Variants in ZFP1 observed in about 807,000 individuals in gnomAD.
ZFP1 encodes zinc finger protein 1 homolog.
In ZFP1, 32 loss-of-function variants were observed where a neutral mutation model predicts 38.5. That is an observed-to-expected ratio of 0.83 (90% CI 0.63 to 1.12). The LOEUF (loss-of-function observed/expected upper bound fraction) is 1.12. ZFP1 is among the 50% of genes most tolerant of loss of function. The pLI is 0.00. For missense variants in ZFP1, 616 were observed against 480.8 expected (o/e 1.28, Z -2.63); for synonymous variants, 245 against 168.8 (o/e 1.45, Z -3.50).
chr16:75,126,820 C>T, the ZFP1 span, among the ~76,000 whole-genome samples: 57,468 of 152,116 alleles, frequency 0.38, 12,134 homozygotes, highest in Middle Eastern at 0.54. Flanking sequence ...TTTTTTCTGA[C>T]CTAACTAGTC....
At position 75,170,435 on chromosome 16, in the gene ZFP1, G is replaced by A. The variant is rs993273805; in HGVS notation, c.*101G>A. On this transcript the variant is annotated 3_prime_UTR_variant, in exon 4 of 4. Transcript: ENST00000570010. ...GAGGGAACATGGGAATTCATACTGA[G>A]ATGCAATCTCTCAACTCAAAAATGT... 1.4e-6 allele frequency: 2 copies of A among 1,411,590 alleles called. No homozygotes were observed. Among genetic ancestry groups the A allele is most frequent in the Middle Eastern group, 5.0e-4 (2 of 3,966 alleles). The allele number at this position is 1,411,590 out of a possible 1,614,324, so 87.4% of individuals were successfully genotyped here. A position where few individuals can be genotyped will look rare whatever the true frequency, so the allele number is the denominator to read the frequency against.
In ZFP1 at chr16:75,170,016, A is replaced by C. The variant is rs377630730; in HGVS notation, c.906A>C (p.Ala302=). 75 of 1,614,098 alleles carry C rather than the reference A, an allele frequency of 4.6e-5. No homozygotes were observed. Among genetic ancestry groups the C allele is most frequent in the Non-Finnish European group, 6.4e-5 (75 of 1,180,048 alleles). Residue 302 remains alanine (A), a synonymous_variant, in exon 4 of 4, where the codon GCA becomes GCC. Transcript: ENST00000570010. ...GACCCTATGAGTGTAACGAATGTGC[A>C]AAAACCTTCTTTAAGAAGTCAAACC... ...GERPYECNEC[A]KTFFKKSNLI... is the part of the protein sequence containing the mutation.
At chr16:75,162,591 G>C (rs7202429) in intron 2 of ZFP1, among the ~76,000 whole-genome samples, 143,697 of 152,296 alleles carry the variant, frequency 0.94, 67,910 homozygotes, top group African/African-American at 0.99. Flanking sequence ...TTTTATGATG[G>C]TGACGTTTGG....
chr16:75,120,871 C>T, the ZFP1 span, among the ~76,000 whole-genome samples: 48 of 152,070 alleles, frequency 3.2e-4, no homozygotes, highest in Middle Eastern at 3.4e-3. Flanking sequence ...ATGATCCGCC[C>T]GCCTCAGCCT....
chr16:75,127,650 A>G, the ZFP1 span, among the ~76,000 whole-genome samples: 26 of 152,196 alleles, frequency 1.7e-4, no homozygotes, highest in South Asian at 5.0e-3. Flanking sequence ...CAGGTTTCTG[A>G]TAACTTTGGA....
intron 3 of ZFP1, among the ~76,000 whole-genome samples, chr16:75,168,150 C>T (rs576820207): frequency 1.3e-5 from 2 of 152,276 alleles, no homozygotes; most frequent in East Asian, 1.9e-4. Context: ...AGCCAGTGTG[C>T]CTGGCCAGAT....
chr16:75,160,185 A>G (rs552641397), intron 2 of ZFP1, among the ~76,000 whole-genome samples: 3 of 152,162 alleles, frequency 2.0e-5, no homozygotes, highest in African/African-American at 7.2e-5. Context: ...GTCTTACTCC[A>G]TTTTGTGCTG....
upstream of ZFP1, among the ~76,000 whole-genome samples, chr16:75,147,765 G>C (rs969941928): frequency 6.6e-6 from 1 of 152,200 alleles, no homozygotes; most frequent in African/African-American, 2.4e-5. Flanking sequence ...GAAAGGAACT[G>C]AGGGTGAAGG....
chr16:75,136,959 C>G, the ZFP1 span, among the ~76,000 whole-genome samples: 3 of 152,160 alleles, frequency 2.0e-5, no homozygotes, highest in Admixed American at 6.6e-5. Flanking sequence ...TTTCTTTGCT[C>G]TGTCAGCCAA....
At chr16:75,165,378 A>T (rs1024956962) in intron 2 of ZFP1, among the ~76,000 whole-genome samples, 8 of 152,018 alleles carry the variant, frequency 5.3e-5, no homozygotes, top group Non-Finnish European at 1.2e-4. Flanking sequence ...GTACCTCTGA[A>T]GGCAATACCT....
chr16:75,144,773 G>A (rs527447388), upstream of ZFP1, among the ~76,000 whole-genome samples: 19 of 152,250 alleles, frequency 1.2e-4, no homozygotes, highest in African/African-American at 4.1e-4. Flanking sequence ...TCCTAGGTAC[G>A]TCATATAAAT....
At chr16:75,131,644 C>T in the ZFP1 span, among the ~76,000 whole-genome samples, 2 of 152,040 alleles carry the variant, frequency 1.3e-5, no homozygotes, top group Admixed American at 6.6e-5. Flanking sequence ...CACCTCGGTT[C>T]GTTGCTTACC....
the ZFP1 span, among the ~76,000 whole-genome samples, chr16:75,141,960 A>G: frequency 6.6e-6 from 1 of 151,458 alleles, no homozygotes; most frequent in Non-Finnish European, 1.5e-5. Flanking sequence ...AGACTGAGGC[A>G]GGAGAATTGC....
the ZFP1 span, among the ~76,000 whole-genome samples, chr16:75,141,195 CTTTTTTTTTTTTTT>C: frequency 1.5e-5 from 1 of 67,900 alleles, no homozygotes; most frequent in African/African-American, 5.9e-5. Context: ...TTGGGTCATT[CTTTTTTTTTTTTTT>C]TTTTTTTTTT....
the ZFP1 span, among the ~76,000 whole-genome samples, chr16:75,142,978 A>G: frequency 2.4e-3 from 360 of 152,312 alleles, 2 homozygotes; most frequent in African/African-American, 8.2e-3. Context: ...CTGGGATTAC[A>G]GGCCTGAGCC....
the ZFP1 span, among the ~76,000 whole-genome samples, chr16:75,131,506 C>G: frequency 6.6e-6 from 1 of 152,152 alleles, no homozygotes; most frequent in African/African-American, 2.4e-5. Context: ...CAACGATCTA[C>G]CTACCCTCGT....
At chr16:75,166,312 AGCCTCT>A (rs376143490) in intron 2 of ZFP1, among the ~76,000 whole-genome samples, 245 of 152,314 alleles carry the variant, frequency 1.6e-3, no homozygotes, top group African/African-American at 5.6e-3. Flanking sequence ...GGCTCACTGC[AGCCTCT>A]GCCTCCCGGG....
the ZFP1 span, among the ~76,000 whole-genome samples, chr16:75,138,733 G>A: frequency 6.6e-6 from 1 of 152,346 alleles, no homozygotes; most frequent in East Asian, 1.9e-4. Context: ...CCGCAGCAGC[G>A]AGGGAAATCC....
chr16:75,143,343 G>A, the ZFP1 span, among the ~76,000 whole-genome samples: 1 of 152,090 alleles, frequency 6.6e-6, no homozygotes, highest in Non-Finnish European at 1.5e-5. Context: ...TCGAGTTCAA[G>A]CAATCCTCCT....
Sources: gnomAD v4.1 joint callset for allele counts (sites outside exome capture counted in the v4.1 genomes callset) on GRCh38, gnomAD v4.1.1 for gene constraint, MANE v1.5 for transcripts, NCBI Gene and HGNC (gene_info 2026-07-23, HGNC 2026-07-21) for gene names.